Variants in COL27A1 observed in about 807,000 individuals in gnomAD.
The protein encoded by COL27A1 is collagen type XXVII alpha 1 chain.
Under a neutral mutation model 251.3 loss-of-function variants are expected in COL27A1, and 106 were observed. That is an observed-to-expected ratio of 0.42 (90% CI 0.36 to 0.50). The LOEUF (loss-of-function observed/expected upper bound fraction) is 0.50. COL27A1 is among the 20% of genes least tolerant of loss of function. COL27A1 has a pLI of 0.00. For synonymous variants in COL27A1, 1,000 were observed against 986.3 expected (o/e 1.01, Z -0.26); for missense variants, 2,325 against 2,522.8 (o/e 0.92, Z 1.68).
At chr9:114,289,754 C>A (rs2131622037) in intron 45 of COL27A1, among the ~76,000 whole-genome samples, 1 of 152,262 alleles carries the variant, frequency 6.6e-6, no homozygotes, top group South Asian at 2.1e-4. Context: ...GCGCCCCCCT[C>A]ACCTGCCTGC....
At chr9:114,164,062 A>G (rs1848671440) in intron 2 of COL27A1, among the ~76,000 whole-genome samples, 1 of 152,168 alleles carries the variant, frequency 6.6e-6, no homozygotes, top group Non-Finnish European at 1.5e-5. Flanking sequence ...GCAGAATAGC[A>G]TCATGGCTAA....
At position 114,270,733 on chromosome 9, in the gene COL27A1, G is replaced by C. The variant is rs1262031271; in HGVS notation, c.3561G>C (p.Glu1187Asp). Residue 1187 changes from glutamate to aspartate, a missense_variant, in exon 36 of 61, where the codon GAG (glutamate) becomes GAC (aspartate). Physicochemically the swap from Glu to Asp is conservative, Grantham distance 45 (BLOSUM62 2). Around this residue, in one of 4 missense-constraint regions of COL27A1, gnomAD observed 662 missense variants for 795.3 expected, o/e 0.83. Coordinates refer to ENST00000356083, the MANE Select transcript of COL27A1 (RefSeq NM_032888.4). ...TTCTCCATCACCTTTTCCAGGGAGA[G>C]CCAGGCCTTGAGGGTGACAGTGGCC... ...GEQGLIGQRG[E>D]PGLEGDSGPM... The C allele has an allele frequency of 6.2e-7, 1 of 1,612,156 alleles. No individual in the cohort carries two copies. The highest frequency in any genetic ancestry group is 1.7e-5 in the Admixed American group (1 of 59,594).
At chr9:114,270,928 G>A (rs572643348) in intron 36 of COL27A1, 147 bp downstream of exon 36, 2 of 684,516 alleles carry the variant, frequency 2.9e-6, no homozygotes, top group East Asian at 5.7e-5. Flanking sequence ...CTTGGGGAAG[G>A]GTCAGCAGTG....
At chr9:114,170,899 A>T (rs1476860387) in intron 3 of COL27A1, among the ~76,000 whole-genome samples, 12 of 152,156 alleles carry the variant, frequency 7.9e-5, no homozygotes, top group Non-Finnish European at 5.9e-5. Context: ...GGTGAGGTCA[A>T]AAGGGGAATT....
chr9:114,302,040 A>G, intron 55 of COL27A1, 42 bp from the exon 56 acceptor site: 2 of 1,589,438 alleles, frequency 1.3e-6, no homozygotes, highest in Non-Finnish European at 1.7e-6. Context: ...ATTCCAGCAC[A>G]CTGTCCCTGT....
Position 114,290,126 on chromosome 9 carries a change from C to T in COL27A1, c.4260+15C>T. ...GGGGGGTCCAGGTGAGTGACTACAG[C>T]TGCTGTTTCCAGCCAACCTCCCTGC... On this transcript the variant is annotated intron_variant, in intron 46 of 60. Coordinates refer to ENST00000356083, the MANE Select transcript of COL27A1 (RefSeq NM_032888.4). This position sits in a 1 kb window ranked among gnomAD's most constrained non-coding sequence, Gnocchi z 4.6. 1.2e-6 allele frequency: 2 copies of T among 1,611,456 alleles called. No individual in the cohort carries two copies. Among genetic ancestry groups the T allele is most frequent in the Non-Finnish European group, 8.5e-7 (1 of 1,179,530 alleles).
rs532521191 is a variant in COL27A1, at chr9:114,290,416, C to A, written c.4368+85C>A. 27 of 1,256,654 alleles carry A rather than the reference C, an allele frequency of 2.1e-5. No individual in the cohort carries two copies. In the African/African-American group the frequency reaches 3.9e-4, roughly 18 times the overall value. The allele number at this position is 1,256,654 out of a possible 1,614,324, so 77.8% of individuals were successfully genotyped here. ...TTCCCCAGGCCATGGGCCAGAGGAG[C>A]CCGTTTGGAAACTTGGATGGGCAGA... On this transcript the variant is annotated intron_variant, in intron 47 of 60. Transcript: ENST00000356083. This position sits in a 1 kb window ranked among gnomAD's most constrained non-coding sequence, Gnocchi z 4.6.
In COL27A1 at chr9:114,311,036, T is replaced by C. The variant is rs1829408472; in HGVS notation, c.*341T>C. 8.1e-6 allele frequency: 2 copies of C among 248,182 alleles called. No individual in the cohort carries two copies. The highest frequency in any genetic ancestry group is 1.6e-5 in the Non-Finnish European group (2 of 128,376). The allele number at this position is 248,182 out of a possible 1,614,324, so 15.4% of individuals were successfully genotyped here. On this transcript the variant is annotated 3_prime_UTR_variant, in exon 61 of 61. Transcript: ENST00000356083. ...CAAAGAGCCCCACATTCAAGCCAAC[T>C]TGAGGGAAGGGGGCGTCTCGTCAGC...
At position 114,167,970 on chromosome 9, in the gene COL27A1, C is replaced by T. The variant is rs1375406112; in HGVS notation, c.415C>T (p.Leu139Phe). The change falls in exon 3 of 61, where the codon CTC (leucine) becomes TTC (phenylalanine). Residue 139 changes from leucine to phenylalanine, a missense_variant. Leu to Phe is a conservative substitution (Grantham distance 22). Around this residue, in one of 4 missense-constraint regions of COL27A1, gnomAD observed 1,183 missense variants for 1,144.1 expected, o/e 1.03. Transcript: ENST00000356083. ...QFLPGKTVVH[L>F]GSRRSVAFDL... Reference sequence around the variant, plus strand: ...CCTCCCCGGCAAGACGGTCGTCCACCTCGGGTCCCGGCGCTCAGTGGCCTT... The same window carrying T: ...CCTCCCCGGCAAGACGGTCGTCCACTTCGGGTCCCGGCGCTCAGTGGCCTT... 4 of 1,606,526 alleles carry T rather than the reference C, an allele frequency of 2.5e-6. No homozygotes were observed. The highest frequency in any genetic ancestry group is 1.3e-5 in the African/African-American group (1 of 74,922).
chr9:114,243,924 CATTTTTT>C (rs1451954141), intron 23 of COL27A1, among the ~76,000 whole-genome samples: 10 of 138,072 alleles, frequency 7.2e-5, no homozygotes, highest in Non-Finnish European at 1.1e-4. Context: ...TTTTTTCTTT[CATTTTTT>C]TTTTTTTTTT....
chr9:114,282,222 T>C, intron 37 of COL27A1, 55 bp from the exon 38 acceptor site: 1 of 1,542,782 alleles, frequency 6.5e-7, no homozygotes, highest in South Asian at 1.1e-5. Flanking sequence ...CGGATCCGCC[T>C]CAGTTTCCTC....
intron 14 of COL27A1, among the ~76,000 whole-genome samples, chr9:114,224,166 A>G (rs1163942417): frequency 1.3e-5 from 2 of 152,228 alleles, no homozygotes; most frequent in Non-Finnish European, 2.9e-5. Flanking sequence ...AAAAAGAAAT[A>G]TCTGCCATGG....
intron 49 of COL27A1, among the ~76,000 whole-genome samples, chr9:114,293,964 C>T (rs369934090): frequency 9.9e-5 from 15 of 151,890 alleles, no homozygotes; most frequent in East Asian, 3.9e-4. Context: ...AACGGCTGGG[C>T]GCGGTGGCTT....
At chr9:114,200,512 G>A (rs557813177) in intron 7 of COL27A1, among the ~76,000 whole-genome samples, 2 of 152,332 alleles carry the variant, frequency 1.3e-5, no homozygotes, top group South Asian at 2.1e-4. Context: ...TGAATAACTG[G>A]ATGAATGAAT....
At chr9:114,185,575 C>A (rs1183013446) in intron 5 of COL27A1, among the ~76,000 whole-genome samples, 4 of 152,184 alleles carry the variant, frequency 2.6e-5, no homozygotes, top group Non-Finnish European at 5.9e-5. Context: ...TGGGTGGGAC[C>A]CTGGGAAGAG....
intron 12 of COL27A1, among the ~76,000 whole-genome samples, chr9:114,211,467 G>T (rs1416742892): frequency 6.6e-6 from 1 of 152,238 alleles, no homozygotes; most frequent in African/African-American, 2.4e-5. Context: ...AAAGCCAGAG[G>T]ACAATGGGGT....
intron 3 of COL27A1, 78 bp from the exon 4 acceptor site, chr9:114,178,213 A>G: frequency 8.2e-7 from 1 of 1,220,694 alleles, no homozygotes; most frequent in Non-Finnish European, 1.2e-6. Context: ...TGCAGGCGGG[A>G]TTGTTGAATG....
intron 3 of COL27A1, among the ~76,000 whole-genome samples, chr9:114,173,461 T>C (rs1486828906): frequency 3.4e-5 from 5 of 148,524 alleles, no homozygotes; most frequent in Non-Finnish European, 5.9e-5. Context: ...GAGGAGGCCA[T>C]GTGGACTGCA....
intron 27 of COL27A1, among the ~76,000 whole-genome samples, chr9:114,256,447 A>T (rs575709048): frequency 6.6e-6 from 1 of 152,176 alleles, no homozygotes; most frequent in Non-Finnish European, 1.5e-5. Flanking sequence ...GAGCCAAGAT[A>T]GCGCCACTGC....
Sources: allele counts gnomAD v4.1 joint callset (sites outside exome capture counted in the v4.1 genomes callset), GRCh38; gene constraint gnomAD v4.1.1; regional missense constraint gnomAD v4.1.1; non-coding constraint Gnocchi (gnomAD v3.1); transcripts MANE v1.5; gene names NCBI Gene and HGNC (gene_info 2026-07-23, HGNC 2026-07-21).